Variants in SLC6A9 observed in about 807,000 individuals in gnomAD.
SLC6A9 encodes solute carrier family 6 member 9.
SLC6A9 carries 31 observed loss-of-function variants against 70.9 expected under a neutral mutation model. The observed-to-expected ratio is 0.44, with a 90% CI of 0.33 to 0.59. The LOEUF (loss-of-function observed/expected upper bound fraction) is 0.59. Among genes scored for constraint, SLC6A9 ranks in the 20% least tolerant of loss-of-function variants. SLC6A9 has a pLI of 0.04. For missense variants in SLC6A9, 631 were observed against 845.2 expected (o/e 0.75, Z 3.14); for synonymous variants, 310 against 341.3 (o/e 0.91, Z 1.01).
At chr1:44,006,189 C>T (rs1253549248) in intron 5 of SLC6A9, among the ~76,000 whole-genome samples, 2 of 152,116 alleles carry the variant, frequency 1.3e-5, no homozygotes, top group African/African-American at 4.8e-5. Flanking sequence ...ACGCCTCACT[C>T]AGCAATATCT....
intron 2 of SLC6A9, among the ~76,000 whole-genome samples, chr1:44,014,067 G>T (rs2086661324): frequency 6.6e-6 from 1 of 152,018 alleles, no homozygotes; most frequent in Admixed American, 6.6e-5. Flanking sequence ...CCGTCTGCCT[G>T]AGCCAGCTCA....
intron 4 of SLC6A9, 54 bp from the exon 5 acceptor site, chr1:44,008,677 G>A: frequency 3.6e-6 from 5 of 1,402,726 alleles, no homozygotes; most frequent in East Asian, 2.3e-5. Flanking sequence ...AGGAGGAGGT[G>A]AGGTTAATAA....
chr1:44,003,502 A>G (rs2086196864), intron 5 of SLC6A9, among the ~76,000 whole-genome samples: 1 of 152,172 alleles, frequency 6.6e-6, no homozygotes, highest in South Asian at 2.1e-4. Flanking sequence ...CACACCTGTA[A>G]TCCCAGCACT....
At chr1:44,000,735 G>T in intron 12 of SLC6A9, 32 bp downstream of exon 12, 1 of 1,404,572 alleles carries the variant, frequency 7.1e-7, no homozygotes, top group Non-Finnish European at 1.0e-6. Flanking sequence ...AAGGGGCAGC[G>T]GGGGAAGGGA....
In SLC6A9 at chr1:44,008,234, C is replaced by A; in HGVS notation, c.590+119G>T. 4.0e-6 allele frequency: 4 copies of A among 988,328 alleles called. No individual in the cohort carries two copies. In the South Asian group the frequency reaches 5.8e-5, roughly 14 times the overall value. The allele number at this position is 988,328 out of a possible 1,614,324, so 61.2% of individuals were successfully genotyped here. A position where few individuals can be genotyped will look rare whatever the true frequency, so the allele number is the denominator to read the frequency against. Reference sequence around the variant, plus strand: ...AACTCTTCACTCACCTCTACCCTCTCCCAGCCCAGCAGCGGGCTGAACCTG... The same window carrying A: ...AACTCTTCACTCACCTCTACCCTCTACCAGCCCAGCAGCGGGCTGAACCTG... On this transcript the variant is annotated intron_variant, in intron 5 of 13. Transcript: ENST00000372310.
At chr1:44,025,281 A>AGC in intron 1 of SLC6A9, among the ~76,000 whole-genome samples, 1 of 151,708 alleles carries the variant, frequency 6.6e-6, no homozygotes, top group East Asian at 1.9e-4. Flanking sequence ...TGTGGGAAGC[A>AGC]TGAGTGGCAA....
rs2085933481 is a variant in SLC6A9, at chr1:43,997,911, T to G, written c.1651A>C (p.Ile551Leu). The change falls in exon 13 of 14, where the codon ATC (isoleucine) becomes CTC (leucine). Residue 551 changes from isoleucine to leucine, a missense_variant. Coordinates refer to ENST00000372310, the MANE Select transcript of SLC6A9 (RefSeq NM_001024845.3). This position sits in a 1 kb window ranked among gnomAD's most constrained non-coding sequence, Gnocchi z 4.4. ...AGCCGGAACATGGCGTAGAGGGGGA[T>G]GCAGAGGACGGAGGACAGAGCCATG... ...FLMALSSVLCIPLYAMFRLCR... is the reference protein window; with the variant it reads ...FLMALSSVLCLPLYAMFRLCR... 6.2e-7 allele frequency: 1 copy of G among 1,614,058 alleles called. No homozygotes were observed. Among genetic ancestry groups the G allele is most frequent in the East Asian group, 2.2e-5 (1 of 44,874 alleles).
In SLC6A9 at chr1:43,997,611, C is replaced by T. The variant is rs750360264; in HGVS notation, c.1836G>A (p.Pro612=). The T allele has an allele frequency of 6.8e-6, 11 of 1,613,852 alleles. 1 individual carries two copies. The highest frequency in any genetic ancestry group is 3.3e-5 in the South Asian group (3 of 91,084). The change falls in exon 14 of 14, where the codon CCG becomes CCA. Residue 612 remains proline (P), a synonymous_variant. Transcript: ENST00000372310. This position sits in a 1 kb window ranked among gnomAD's most constrained non-coding sequence, Gnocchi z 4.4. Reference sequence around the variant, plus strand: ...CCACAATGGGGATCTGCGCCTTGTCCGGGTGCAGTGGCTGGACCTCGAAGC... The same window carrying T: ...CCACAATGGGGATCTGCGCCTTGTCTGGGTGCAGTGGCTGGACCTCGAAGC... The part of the protein sequence containing the change: ...EDGFEVQPLH[P]DKAQIPIVGS...
chr1:44,017,796 C>T (rs1265194780), intron 2 of SLC6A9, among the ~76,000 whole-genome samples: 1 of 152,244 alleles, frequency 6.6e-6, no homozygotes, highest in East Asian at 1.9e-4. Flanking sequence ...GCTGTCTGGA[C>T]AAAGATGGCA....
At chr1:43,999,402 A>G (rs2154304246) in intron 12 of SLC6A9, among the ~76,000 whole-genome samples, 1 of 151,718 alleles carries the variant, frequency 6.6e-6, no homozygotes, top group Non-Finnish European at 1.5e-5. Context: ...GGTTGCCCCT[A>G]CAGATCCTTC....
In SLC6A9 at chr1:44,000,882, G is replaced by T. The variant is rs201608983; in HGVS notation, c.1436-15C>A. On this transcript the variant is annotated splice_polypyrimidine_tract_variant and intron_variant, in intron 11 of 13. Coordinates refer to ENST00000372310, the MANE Select transcript of SLC6A9 (RefSeq NM_001024845.3). ...GTTCCGGTGCCCTGGAGAGATGGGG[G>T]GTCAGCAGACCCGCAGGACAGAGTG... 4 of 1,599,002 alleles carry T rather than the reference G, an allele frequency of 2.5e-6. No homozygotes were observed. The highest frequency in any genetic ancestry group is 1.7e-5 in the Admixed American group (1 of 58,196).
In SLC6A9 at chr1:44,000,880, G is replaced by A. The variant is rs2154304418; in HGVS notation, c.1436-13C>T. 4 of 1,598,496 alleles carry A rather than the reference G, an allele frequency of 2.5e-6. No homozygotes were observed. The highest frequency in any genetic ancestry group is 3.4e-6 in the Non-Finnish European group (4 of 1,170,758). On this transcript the variant is annotated splice_polypyrimidine_tract_variant and intron_variant, in intron 11 of 13. Coordinates refer to ENST00000372310, the MANE Select transcript of SLC6A9 (RefSeq NM_001024845.3). ...TAGTTCCGGTGCCCTGGAGAGATGG[G>A]GGGTCAGCAGACCCGCAGGACAGAG...
chr1:44,008,213 C>T, intron 5 of SLC6A9, 140 bp downstream of exon 5: 1 of 811,430 alleles, frequency 1.2e-6, no homozygotes, highest in East Asian at 2.5e-5. Context: ...CTCCTAAACT[C>T]TTCACTCACC....
At chr1:44,014,456 TAC>T (rs144840170) in intron 2 of SLC6A9, among the ~76,000 whole-genome samples, 7 of 150,138 alleles carry the variant, frequency 4.7e-5, no homozygotes, top group Non-Finnish European at 5.9e-5. Context: ...TATACACCCA[TAC>T]ACACACACAC....
rs189018112 is a variant in SLC6A9, at chr1:44,015,742, T to C, written c.31-4860A>G. The C allele has an allele frequency of 3.4e-4, 183 of 541,726 alleles. 1 individual carries two copies. The East Asian group carries it at 0.025, about 74-fold the overall frequency. 33.6% of individuals were successfully genotyped at this position (541,726 alleles called of 1,614,324 possible). A position where few individuals can be genotyped will look rare whatever the true frequency, so the allele number is the denominator to read the frequency against. Reference sequence around the variant, plus strand: ...TACCCTGCAATGACAGAATCTTCTGTCCTTCACCTACATGGCACTGAGTAG... The same window carrying C: ...TACCCTGCAATGACAGAATCTTCTGCCCTTCACCTACATGGCACTGAGTAG... On this transcript the variant is annotated intron_variant, in intron 2 of 13. Coordinates refer to ENST00000372310, the MANE Select transcript of SLC6A9 (RefSeq NM_001024845.3).
intron 5 of SLC6A9, among the ~76,000 whole-genome samples, chr1:44,006,687 T>C (rs1026522682): frequency 1.3e-5 from 2 of 149,596 alleles, no homozygotes; most frequent in East Asian, 2.0e-4. Context: ...AATTAAAAAA[T>C]GAAAGACAAA....
intron 5 of SLC6A9, among the ~76,000 whole-genome samples, chr1:44,003,359 T>C (rs1362153): frequency 0.22 from 34,102 of 152,220 alleles, 6,390 homozygotes; most frequent in African/African-American, 0.51. Context: ...TTTTCCTCAT[T>C]CTGTCAGGTG....
At chr1:44,026,325 A>G (rs1353208587) in intron 1 of SLC6A9, among the ~76,000 whole-genome samples, 1 of 152,206 alleles carries the variant, frequency 6.6e-6, no homozygotes, top group African/African-American at 2.4e-5. Context: ...AAGGACTAAT[A>G]ATGACAATGA....
chr1:44,001,663 C>T, intron 8 of SLC6A9, 36 bp from the exon 9 acceptor site: 1 of 1,537,050 alleles, frequency 6.5e-7, no homozygotes, highest in South Asian at 1.2e-5. Flanking sequence ...GCTTCCCTCT[C>T]CCCAATTTGG....
Sources: gnomAD v4.1 joint callset for allele counts (sites outside exome capture counted in the v4.1 genomes callset) on GRCh38, gnomAD v4.1.1 for gene constraint, Gnocchi (gnomAD v3.1) non-coding constraint, MANE v1.5 for transcripts, NCBI Gene and HGNC (gene_info 2026-07-23, HGNC 2026-07-21) for gene names.